The following KCNT2 variants were observed in gnomAD, a reference collection of about 807,000 sequenced individuals.
The protein encoded by KCNT2 is potassium channel subfamily T member 2.
Under a neutral mutation model 153.8 loss-of-function variants are expected in KCNT2, and 67 were observed. The ratio of observed to expected loss-of-function variants is 0.44; its 90% CI spans 0.36 to 0.53. KCNT2 has a LOEUF of 0.53. Among genes scored for constraint, KCNT2 ranks in the 20% least tolerant of loss-of-function variants. The pLI, the probability that KCNT2 is intolerant of heterozygous loss-of-function variation, is 0.00. For synonymous variants in KCNT2, 500 were observed against 458.8 expected (o/e 1.09, Z -1.15); for missense variants, 975 against 1,354.8 (o/e 0.72, Z 4.40).
chr1:196,391,093 T>G (rs181084566), intron 13 of KCNT2, among the ~76,000 whole-genome samples: 1 of 151,308 alleles, frequency 6.6e-6, no homozygotes, highest in Non-Finnish European at 1.5e-5. Flanking sequence ...ATGGAGGTTA[T>G]GAAGGGCAGG....
intron 13 of KCNT2, among the ~76,000 whole-genome samples, chr1:196,381,433 C>T (rs536295818): frequency 6.6e-6 from 1 of 151,706 alleles, no homozygotes; most frequent in Non-Finnish European, 1.5e-5. Flanking sequence ...AATAATAATA[C>T]TAAATAATAT....
At chr1:196,377,888 G>A (rs1229017074) in intron 13 of KCNT2, among the ~76,000 whole-genome samples, 1 of 152,088 alleles carries the variant, frequency 6.6e-6, no homozygotes, top group Non-Finnish European at 1.5e-5. Flanking sequence ...GTGCAGTGCT[G>A]CCTTCACATT....
intron 13 of KCNT2, among the ~76,000 whole-genome samples, chr1:196,386,683 C>G (rs180838438): frequency 3.9e-5 from 6 of 152,060 alleles, no homozygotes; most frequent in Non-Finnish European, 7.4e-5. Context: ...GTAATATTTA[C>G]GAATAGCTAC....
chr1:196,369,029 C>T (rs1407359429), intron 14 of KCNT2, among the ~76,000 whole-genome samples: 1 of 152,098 alleles, frequency 6.6e-6, no homozygotes, highest in Non-Finnish European at 1.5e-5. Context: ...TCTGTGAATT[C>T]TAACTAAGCA....
At chr1:196,477,895 A>C (rs1288003249) in intron 5 of KCNT2, among the ~76,000 whole-genome samples, 1 of 152,208 alleles carries the variant, frequency 6.6e-6, no homozygotes, top group Non-Finnish European at 1.5e-5. Context: ...TTAATAGTGA[A>C]AATGACTGTC....
At chr1:196,374,008 T>A (rs577081296) in intron 13 of KCNT2, among the ~76,000 whole-genome samples, 2 of 151,944 alleles carry the variant, frequency 1.3e-5, no homozygotes, top group East Asian at 3.9e-4. Flanking sequence ...GGCCAAGCAT[T>A]GTTATGCAGG....
rs938030500 is a variant in KCNT2, at chr1:196,228,125, G to T, written c.*99C>A. 1 of 662,984 alleles carries T rather than the reference G, an allele frequency of 1.5e-6. No individual in the cohort carries two copies. The allele number at this position is 662,984 out of a possible 1,614,324, so 41.1% of individuals were successfully genotyped here. ...AGAGATTACGTTTTTAAATATGAGA[G>T]AATTACATATATTTCCATCTAGTTT... On this transcript the variant is annotated 3_prime_UTR_variant, in exon 28 of 28. Coordinates refer to ENST00000294725, the MANE Select transcript of KCNT2 (RefSeq NM_198503.5).
At chr1:196,513,808 C>A (rs924903016) in intron 1 of KCNT2, among the ~76,000 whole-genome samples, 2 of 152,020 alleles carry the variant, frequency 1.3e-5, no homozygotes, top group African/African-American at 4.8e-5. Flanking sequence ...CCTTAGAGAC[C>A]AAACAACTGG....
At chr1:196,286,884 A>G (rs1431345233) in intron 22 of KCNT2, among the ~76,000 whole-genome samples, 3 of 152,100 alleles carry the variant, frequency 2.0e-5, no homozygotes, top group Non-Finnish European at 4.4e-5. Context: ...TTTGTTGACA[A>G]ATTCCCTTTA....
At chr1:196,495,046 C>T (rs1189983016) in intron 1 of KCNT2, among the ~76,000 whole-genome samples, 1 of 151,924 alleles carries the variant, frequency 6.6e-6, no homozygotes, top group Non-Finnish European at 1.5e-5. Flanking sequence ...TTCCTAATCC[C>T]AATCTAATTA....
intron 26 of KCNT2, 114 bp downstream of exon 26, chr1:196,258,080 C>T (rs1315887576): frequency 6.9e-7 from 1 of 1,454,780 alleles, no homozygotes; most frequent in Non-Finnish European, 9.0e-7. Flanking sequence ...CTAGTTTCTA[C>T]TAATTGACCT....
chr1:196,314,036 A>G (rs1558133273), intron 21 of KCNT2, among the ~76,000 whole-genome samples: 1 of 151,584 alleles, frequency 6.6e-6, no homozygotes, highest in African/African-American at 2.4e-5. Flanking sequence ...TAGTTGCCAT[A>G]TATGTATCTG....
chr1:196,590,238 C>T (rs543858528), intron 1 of KCNT2, among the ~76,000 whole-genome samples: 153 of 152,154 alleles, frequency 1.0e-3, no homozygotes, highest in African/African-American at 3.4e-3. Context: ...CACTTTTGAC[C>T]GAGTATAGCT....
In KCNT2 at chr1:196,333,834, T is replaced by C. The variant is rs1664725311; in HGVS notation, c.1997+13A>G. 1 of 1,519,676 alleles carries C rather than the reference T, an allele frequency of 6.6e-7. No individual in the cohort carries two copies. The highest frequency in any genetic ancestry group is 9.1e-7 in the Non-Finnish European group (1 of 1,096,812). 94.1% of individuals were successfully genotyped at this position (1,519,676 alleles called of 1,614,324 possible). ...AACCCAGTAATCTTACACCTTAGAGTATCTGAACATACTCTAAGTTTGAAG... is the reference window on the plus strand; with the variant it reads ...AACCCAGTAATCTTACACCTTAGAGCATCTGAACATACTCTAAGTTTGAAG... On this transcript the variant is annotated intron_variant, in intron 17 of 27. Transcript: ENST00000294725.
intron 8 of KCNT2, among the ~76,000 whole-genome samples, chr1:196,458,623 C>T (rs775147711): frequency 1.4e-4 from 21 of 151,876 alleles, no homozygotes; most frequent in Middle Eastern, 6.8e-3. Context: ...TCTTAAAATG[C>T]GCTTCTTTTA....
At chr1:196,458,223 A>G (rs540193359) in intron 8 of KCNT2, among the ~76,000 whole-genome samples, 3 of 151,864 alleles carry the variant, frequency 2.0e-5, no homozygotes. Context: ...AACAAAAATT[A>G]TATTACGTAA....
At chr1:196,344,400 A>G (rs540619145) in intron 14 of KCNT2, among the ~76,000 whole-genome samples, 3 of 152,178 alleles carry the variant, frequency 2.0e-5, no homozygotes, top group Non-Finnish European at 4.4e-5. Flanking sequence ...AACATAAAAC[A>G]GTTTTGATTT....
intron 25 of KCNT2, among the ~76,000 whole-genome samples, chr1:196,266,882 T>A (rs1244394974): frequency 6.6e-6 from 1 of 152,206 alleles, no homozygotes; most frequent in Non-Finnish European, 1.5e-5. Context: ...TTGACAAATA[T>A]GTTCTATTAA....
At chr1:196,255,117 A>T (rs1349422125) in intron 26 of KCNT2, among the ~76,000 whole-genome samples, 1 of 151,684 alleles carries the variant, frequency 6.6e-6, no homozygotes, top group East Asian at 1.9e-4. Flanking sequence ...ACAAAGAGCA[A>T]TGTTCGTGAG....
Sources: gnomAD v4.1 joint callset for allele counts (sites outside exome capture counted in the v4.1 genomes callset) on GRCh38, gnomAD v4.1.1 for gene constraint, MANE v1.5 for transcripts, NCBI Gene and HGNC (gene_info 2026-07-23, HGNC 2026-07-21) for gene names.